The following PLAT variants were observed in gnomAD, a reference collection of about 807,000 sequenced individuals.
PLAT encodes tissue-type plasminogen activator.
A neutral mutation model predicts 74.9 loss-of-function variants in PLAT; 48 were observed. That is an observed-to-expected ratio of 0.64 (90% CI 0.51 to 0.82). The LOEUF (loss-of-function observed/expected upper bound fraction) is 0.82, where lower values mean the gene tolerates loss of function less well. PLAT is among the 40% of genes least tolerant of loss of function. The pLI is 0.00. For missense variants in PLAT, 673 were observed against 736.2 expected, an observed-to-expected ratio of 0.91 and a Z score of 0.99; for synonymous variants, 307 against 294.4, an observed-to-expected ratio of 1.04 and a Z score of -0.44.
chr8:42,177,824 CAG>C (rs1246487890), intron 13 of PLAT, among the ~76,000 whole-genome samples: 2 of 152,210 alleles, frequency 1.3e-5, no homozygotes, highest in African/African-American at 4.8e-5. Context: ...GTCAGGGAAT[CAG>C]AGGGGAAACC....
In PLAT at chr8:42,178,929, C is replaced by T. The variant is rs549342605; in HGVS notation, c.1498G>A (p.Gly500Arg). 80 of 1,613,786 alleles carry T rather than the reference C, an allele frequency of 5.0e-5. 1 individual carries two copies. Among genetic ancestry groups the T allele is most frequent in the Admixed American group, 4.0e-4 (24 of 60,010 alleles). ...MLCAGDTRSG[G>R]PQANLHDACQ... ...GCGTCGTGCAAGTTTGCCTGGGGCC[C>T]GCCGCTCCGAGTGTCTCCAGCACAC... Residue 500 changes from glycine (G) to arginine (R), a missense_variant, in exon 13 of 14, where the codon GGG becomes AGG. By Grantham distance (125) the Gly-to-Arg change is moderately radical. Transcript: ENST00000220809.
intron 9 of PLAT, among the ~76,000 whole-genome samples, chr8:42,181,249 A>C (rs994157183): frequency 2.0e-5 from 3 of 152,228 alleles, no homozygotes; most frequent in Non-Finnish European, 4.4e-5. Flanking sequence ...ATTCTGGCTG[A>C]TCTGTGTTCA....
intron 1 of PLAT, among the ~76,000 whole-genome samples, chr8:42,201,331 A>G (rs1224315611): frequency 2.0e-5 from 3 of 152,182 alleles, no homozygotes; most frequent in Non-Finnish European, 2.9e-5. Context: ...AGGTAACTGG[A>G]AAAGAAGCAG....
At chr8:42,187,838 C>T in intron 5 of PLAT, 68 bp downstream of exon 5, 1 of 1,143,978 alleles carries the variant, frequency 8.7e-7, no homozygotes, top group East Asian at 2.4e-5. Context: ...CCCTGCCTTT[C>T]CTTCCGGGGG....
intron 7 of PLAT, 144 bp from the exon 8 acceptor site, chr8:42,183,034 C>G: frequency 1.7e-6 from 1 of 598,892 alleles, no homozygotes. Flanking sequence ...CTCACACTTC[C>G]CCTTTTGTTG....
At chr8:42,203,636 T>C (rs1243191546) in intron 1 of PLAT, among the ~76,000 whole-genome samples, 2 of 152,154 alleles carry the variant, frequency 1.3e-5, no homozygotes, top group Admixed American at 1.3e-4. Context: ...GTGGCATACA[T>C]AGAAAATATT....
chr8:42,193,702 G>A (rs577427442), intron 1 of PLAT: 3 of 148,740 alleles, frequency 2.0e-5, no homozygotes, highest in East Asian at 4.0e-4. Context: ...GTGCATCCAT[G>A]CTGTAGCATG....
chr8:42,189,742 G>A (rs1010086177), intron 3 of PLAT, among the ~76,000 whole-genome samples: 4 of 150,752 alleles, frequency 2.7e-5, no homozygotes, highest in Middle Eastern at 3.4e-3. Flanking sequence ...GGGATTACAG[G>A]TGCCCGATAC....
chr8:42,175,565 C>T lies in PLAT; in HGVS notation c.*428G>A, dbSNP rs780106353. 2 of 156,804 alleles carry T rather than the reference C, an allele frequency of 1.3e-5. No individual in the cohort carries two copies. Among genetic ancestry groups the T allele is most frequent in the African/African-American group, 4.8e-5 (2 of 41,602 alleles). 9.7% of individuals were successfully genotyped at this position (156,804 alleles called of 1,614,324 possible). A position where few individuals can be genotyped will look rare whatever the true frequency, so the allele number is the denominator to read the frequency against. On this transcript the variant is annotated 3_prime_UTR_variant, in exon 14 of 14. Transcript: ENST00000220809. Reference sequence around the variant, plus strand: ...CTGGGCTCTTGTGACTATAAATATACTGTCTATTTCTAATGCAATCCGTCT... The same window carrying T: ...CTGGGCTCTTGTGACTATAAATATATTGTCTATTTCTAATGCAATCCGTCT...
intron 6 of PLAT, chr8:42,186,545 G>A (rs771553944): frequency 2.0e-5 from 3 of 152,094 alleles, no homozygotes; most frequent in South Asian, 4.1e-4. Context: ...TCCCTAAAAC[G>A]TCTAAAGGCA....
chr8:42,193,825 C>T (rs1805781476), intron 1 of PLAT: 1 of 152,258 alleles, frequency 6.6e-6, no homozygotes, highest in Non-Finnish European at 1.5e-5. Flanking sequence ...ATGCCATTCT[C>T]ATGTCTCAGC....
Position 42,175,989 on chromosome 8 carries a change from C to T in PLAT, c.*4G>A, listed in dbSNP as rs1432793462. On this transcript the variant is annotated 3_prime_UTR_variant, in exon 14 of 14. Transcript: ENST00000220809. ...TTTGCTTTTGAGGAGTCGGGTGTTC[C>T]TGGTCACGGTCGCATGTTGTCACGA... 1.2e-6 allele frequency: 2 copies of T among 1,613,798 alleles called. No homozygotes were observed. Among genetic ancestry groups the T allele is most frequent in the Non-Finnish European group, 1.7e-6 (2 of 1,179,816 alleles).
Position 42,179,072 on chromosome 8 carries a change from G to T in PLAT, c.1364-9C>A. The T allele has an allele frequency of 6.2e-7, 1 of 1,601,538 alleles. No homozygotes were observed. Among genetic ancestry groups the T allele is most frequent in the Non-Finnish European group, 8.5e-7 (1 of 1,172,290 alleles). On this transcript the variant is annotated splice_polypyrimidine_tract_variant and intron_variant, in intron 12 of 13. Coordinates refer to ENST00000220809, the MANE Select transcript of PLAT (RefSeq NM_000930.5). ...CGAATAGAAAGGAGACACTGAAAGGGGAGAACCATCATATGGTTTTAGGGA... is the reference window on the plus strand; with the variant it reads ...CGAATAGAAAGGAGACACTGAAAGGTGAGAACCATCATATGGTTTTAGGGA...
intron 3 of PLAT, 124 bp from the exon 4 acceptor site, chr8:42,189,195 T>C: frequency 1.1e-6 from 1 of 902,108 alleles, no homozygotes; most frequent in South Asian, 1.6e-5. Context: ...TACTCCCTTA[T>C]TGAAGAGACA....
intron 1 of PLAT, among the ~76,000 whole-genome samples, chr8:42,200,640 G>A (rs1806092100): frequency 7.2e-6 from 1 of 138,782 alleles, no homozygotes; most frequent in African/African-American, 2.8e-5. Context: ...TCATACCACT[G>A]CACTCCAGCT....
rs1587929059 is a variant in PLAT, at chr8:42,180,580, T to A, written c.995A>T (p.His332Leu). The change falls in exon 10 of 14, where the codon CAC becomes CTC. Residue 332 changes from histidine (H) to leucine (L), a missense_variant. By Grantham distance (99) the His-to-Leu change is moderately conservative. Transcript: ENST00000220809. ...GAACCGCTCTCCGGGCGACCTCCTG[T>A]GCTTGGCAAAGATGGCAGCCTGCCA... The part of the protein sequence containing the change: ...HPWQAAIFAK[H>L]RRSPGERFLC... 3.1e-6 allele frequency: 5 copies of A among 1,613,892 alleles called. No homozygotes were observed. Among genetic ancestry groups the A allele is most frequent in the Non-Finnish European group, 4.2e-6 (5 of 1,179,860 alleles).
chr8:42,197,536 T>C (rs1413876733), intron 1 of PLAT, among the ~76,000 whole-genome samples: 1 of 152,194 alleles, frequency 6.6e-6, no homozygotes, highest in Non-Finnish European at 1.5e-5. Context: ...TTGATGATCA[T>C]GCCAACCAGA....
chr8:42,194,241 A>AGAGAGAGTGTGTGTGTGTGT (rs1419569830), intron 1 of PLAT, among the ~76,000 whole-genome samples: 6 of 52,544 alleles, frequency 1.1e-4, no homozygotes, highest in African/African-American at 4.0e-4. Context: ...AGAGAGAGAG[A>AGAGAGAGTGTGTGTGTGTGT]GTGTGTGTGT....
intron 6 of PLAT, chr8:42,185,810 G>A (rs1167202398): frequency 1.3e-5 from 2 of 152,350 alleles, no homozygotes; most frequent in African/African-American, 2.4e-5. Flanking sequence ...TCTACAGCCA[G>A]TTGACTTTAG....
Sources: allele counts gnomAD v4.1 joint callset (sites outside exome capture counted in the v4.1 genomes callset), GRCh38; gene constraint gnomAD v4.1.1; transcripts MANE v1.5; gene names NCBI Gene and HGNC (gene_info 2026-07-23, HGNC 2026-07-21).